The following STK32B variants were observed in gnomAD, a reference collection of about 807,000 sequenced individuals.
STK32B encodes the protein serine/threonine-protein kinase 32B.
STK32B carries 43 observed loss-of-function variants against 52.6 expected under a neutral mutation model. The ratio of observed to expected loss-of-function variants is 0.82; its 90% CI spans 0.64 to 1.05. STK32B has a LOEUF of 1.05. STK32B is among the 50% of genes least tolerant of loss of function. The probability of loss-of-function intolerance (pLI) is 0.00; values close to 1 mark genes in which losing one functional copy is unlikely to be tolerated. For synonymous variants in STK32B, 238 were observed against 204.3 expected (o/e 1.17, Z -1.41); for missense variants, 621 against 534.6 (o/e 1.16, Z -1.59).
the STK32B span, among the ~76,000 whole-genome samples, chr4:5,024,762 T>C: frequency 1.3e-5 from 2 of 152,208 alleles, no homozygotes; most frequent in African/African-American, 4.8e-5. Context: ...GCCAGAGTAT[T>C]GGGGACTCTT....
Position 5,499,218 on chromosome 4 carries a change from G to T in STK32B, c.*135G>T, listed in dbSNP as rs1720547348. The T allele has an allele frequency of 7.8e-7, 1 of 1,287,872 alleles. No homozygotes were observed. Among genetic ancestry groups the T allele is most frequent in the Non-Finnish European group, 1.0e-6 (1 of 971,008 alleles). 79.8% of individuals were successfully genotyped at this position (1,287,872 alleles called of 1,614,324 possible). ...CAGAAAAAGCCCTGGACTTGGAGCT[G>T]GGAAGCCTGGGTTCTGGTCCCATCT... On this transcript the variant is annotated 3_prime_UTR_variant, in exon 12 of 12. Coordinates refer to ENST00000282908, the MANE Select transcript of STK32B (RefSeq NM_018401.3).
chr4:5,407,922 TGGGATAAGTGCCCTTATTAAA>T (rs1737784759), intron 5 of STK32B, among the ~76,000 whole-genome samples: 1 of 152,082 alleles, frequency 6.6e-6, no homozygotes, highest in Admixed American at 6.5e-5. Flanking sequence ...CCTGCATGAA[TGGGATAAGTGCCCTTATTAAA>T]GGGACCCCAG....
intron 6 of STK32B, 117 bp downstream of exon 6, chr4:5,417,051 A>G: frequency 1.1e-6 from 1 of 894,942 alleles, no homozygotes; most frequent in Non-Finnish European, 1.7e-6. Context: ...TGCTCACATG[A>G]GGTTCCACAG....
chr4:5,455,042 A>G (rs1716372306), intron 7 of STK32B, among the ~76,000 whole-genome samples: 1 of 152,152 alleles, frequency 6.6e-6, no homozygotes. Context: ...CACTCAATTA[A>G]CAGATAAGAG....
At chr4:5,055,229 A>G (rs899109372) in intron 1 of STK32B, among the ~76,000 whole-genome samples, 11 of 151,482 alleles carry the variant, frequency 7.3e-5, no homozygotes, top group Non-Finnish European at 1.0e-4. Context: ...AGCTGGGACA[A>G]TAGGCTTCTA....
intron 6 of STK32B, among the ~76,000 whole-genome samples, chr4:5,442,902 T>C (rs1714933060): frequency 6.6e-6 from 1 of 152,024 alleles, no homozygotes; most frequent in East Asian, 1.9e-4. Context: ...GGGTTGAAAA[T>C]TCTTTTCTTT....
At chr4:5,429,494 C>A (rs923745753) in intron 6 of STK32B, among the ~76,000 whole-genome samples, 22 of 151,992 alleles carry the variant, frequency 1.4e-4, no homozygotes, top group African/African-American at 5.3e-4. Context: ...TACCTTAAAT[C>A]TGTTACAGCA....
chr4:5,409,327 G>A (rs1355350727), intron 5 of STK32B, among the ~76,000 whole-genome samples: 1 of 152,074 alleles, frequency 6.6e-6, no homozygotes, highest in African/African-American at 2.4e-5. Context: ...GTGCCTCCTG[G>A]AGTCATTGCA....
At chr4:5,143,136 T>TGTCC (rs1553835333) in intron 2 of STK32B, among the ~76,000 whole-genome samples, 2 of 138,964 alleles carry the variant, frequency 1.4e-5, no homozygotes, top group South Asian at 2.4e-4. Flanking sequence ...TCTGTCTATC[T>TGTCC]GTCTGTCTAT....
intron 3 of STK32B, among the ~76,000 whole-genome samples, chr4:5,249,103 A>G (rs898504713): frequency 6.6e-6 from 1 of 152,134 alleles, no homozygotes; most frequent in Non-Finnish European, 1.5e-5. Context: ...TAAAGATACT[A>G]TGCCTTTCTG....
rs1479988686 is a variant in STK32B at position 5,316,984 on chromosome 4, A to T, written c.261-14236A>T. On this transcript the variant is annotated intron_variant, in intron 3 of 11. Coordinates refer to ENST00000282908, the MANE Select transcript of STK32B (RefSeq NM_018401.3). ...AATATATATAATATATATAATATAT[A>T]ATATATATGATATAATATATAATAT... Among the ~76,000 whole-genome samples the T allele has an allele frequency of 3.5e-4, 10 of 28,520 alleles. 1 individual carries two copies. The East Asian group carries it at 5.6e-3, about 16-fold the overall frequency. 18.7% of individuals were successfully genotyped at this position (28,520 alleles called of 152,430 possible). A position where few individuals can be genotyped will look rare whatever the true frequency, so the allele number is the denominator to read the frequency against.
chr4:5,333,587 T>C lies in STK32B; in HGVS notation c.434+2194T>C, dbSNP rs376147589. Among the ~76,000 whole-genome samples, 3 of 152,222 alleles carry C rather than the reference T, an allele frequency of 2.0e-5. 1 individual carries two copies. The highest frequency in any genetic ancestry group is 4.1e-4 in the South Asian group (2 of 4,834). On this transcript the variant is annotated intron_variant, in intron 4 of 11. Coordinates refer to ENST00000282908, the MANE Select transcript of STK32B (RefSeq NM_018401.3). ...CCTGAATGGTAATGCCTAGGTTTTC[T>C]TCTAGAGTTTTTATGGTTTTAGGTC... is the stretch of plus-strand genomic sequence containing the variant.
At chr4:5,341,166 A>T (rs574139107) in intron 4 of STK32B, among the ~76,000 whole-genome samples, 7 of 152,302 alleles carry the variant, frequency 4.6e-5, no homozygotes, top group Admixed American at 1.3e-4. Flanking sequence ...TCGACTCCTC[A>T]CATCCGCCCC....
In STK32B at chr4:5,484,928, T is replaced by C. The variant is rs538034151; in HGVS notation, c.1107-14017T>C. On this transcript the variant is annotated intron_variant, in intron 11 of 11. Coordinates refer to ENST00000282908, the MANE Select transcript of STK32B (RefSeq NM_018401.3). ...GTTGATTATTGGCCCCCACTCTCTTTTGGCTTGTAGAGTTTCTGCCTAGCG... is the reference window on the plus strand; with the variant it reads ...GTTGATTATTGGCCCCCACTCTCTTCTGGCTTGTAGAGTTTCTGCCTAGCG... 8.3e-3 allele frequency among the ~76,000 whole-genome samples: 1,265 copies of C among 152,258 alleles called. 18 individuals are homozygous for C. The highest frequency in any genetic ancestry group is 0.029 in the African/African-American group (1,205 of 41,516).
intron 4 of STK32B, among the ~76,000 whole-genome samples, chr4:5,369,160 A>G (rs1735070154): frequency 6.7e-6 from 1 of 149,856 alleles, no homozygotes; most frequent in South Asian, 2.1e-4. Context: ...CTCTCCTCCC[A>G]CTCTTCTTCC....
At chr4:5,166,123 T>TC (rs3840494) in intron 2 of STK32B, among the ~76,000 whole-genome samples, 29,452 of 151,896 alleles carry the variant, frequency 0.19, 3,580 homozygotes, top group East Asian at 0.28. Context: ...CTGAGTGGGG[T>TC]CAATTTCCAA....
Position 5,398,164 on chromosome 4 carries a change from G to C in STK32B, c.435-43G>C. ...GTGCTTGTCTATGTGCTCATCTGTG[G>C]GCTCAGGAACCACATTGCCAGCTTC... On this transcript the variant is annotated intron_variant, in intron 4 of 11. Coordinates refer to ENST00000282908, the MANE Select transcript of STK32B (RefSeq NM_018401.3). The surrounding 1 kb of genome is among the most constrained non-coding windows in gnomAD (Gnocchi z 4.9). The C allele has an allele frequency of 6.2e-7, 1 of 1,611,876 alleles. No homozygotes were observed. The highest frequency in any genetic ancestry group is 8.5e-7 in the Non-Finnish European group (1 of 1,178,876).
Position 5,120,164 on chromosome 4 carries a change from T to A in STK32B, c.53-19741T>A, listed in dbSNP as rs143267679. On this transcript the variant is annotated intron_variant, in intron 1 of 11. Coordinates refer to ENST00000282908, the MANE Select transcript of STK32B (RefSeq NM_018401.3). Reference sequence around the variant, plus strand: ...ATCCACGCTATAGACACTGCGCCAATGACACTGGTAATCATTGACGTAATC... The same window carrying A: ...ATCCACGCTATAGACACTGCGCCAAAGACACTGGTAATCATTGACGTAATC... 4.5e-3 allele frequency among the ~76,000 whole-genome samples: 678 copies of A among 152,314 alleles called. 3 individuals are homozygous for A. Among genetic ancestry groups the A allele is most frequent in the African/African-American group, 0.015 (629 of 41,572 alleles).
chr4:5,455,342 G>C (rs889740861), intron 7 of STK32B, among the ~76,000 whole-genome samples: 1 of 152,238 alleles, frequency 6.6e-6, no homozygotes, highest in Non-Finnish European at 1.5e-5. Context: ...CGATCACGTG[G>C]TGGTGACAGT....
Sources: gnomAD v4.1 joint callset for allele counts (sites outside exome capture counted in the v4.1 genomes callset) on GRCh38, gnomAD v4.1.1 for gene constraint, Gnocchi (gnomAD v3.1) non-coding constraint, MANE v1.5 for transcripts, NCBI Gene and HGNC (gene_info 2026-07-23, HGNC 2026-07-21) for gene names.